The following ANKIB1 variants were observed in gnomAD, a reference collection of about 807,000 sequenced individuals.
The protein encoded by ANKIB1 is ankyrin repeat and IBR domain-containing protein 1.
A neutral mutation model predicts 122.1 loss-of-function variants in ANKIB1; 43 were observed. The observed-to-expected ratio is 0.35, with a 90% CI of 0.28 to 0.45. The LOEUF is 0.45. Ranked by LOEUF, ANKIB1 falls within the 20% of genes least tolerant of loss-of-function variation. The pLI is 1.00. For synonymous variants in ANKIB1, 390 were observed against 442.0 expected (o/e 0.88, Z 1.48); for missense variants, 992 against 1,329.5 (o/e 0.75, Z 3.95).
chr7:92,363,053 TAA>T lies in ANKIB1; in HGVS notation c.1486+792_1486+793del, dbSNP rs540406716. Among the ~76,000 whole-genome samples the T allele has an allele frequency of 1.3e-4, 19 of 143,842 alleles. 1 individual carries two copies. Among genetic ancestry groups the T allele is most frequent in the Admixed American group, 1.4e-4 (2 of 14,432 alleles). 94.4% of individuals were successfully genotyped at this position (143,842 alleles called of 152,430 possible). On this transcript the variant is annotated intron_variant, in intron 10 of 19. Coordinates refer to ENST00000265742, the MANE Select transcript of ANKIB1 (RefSeq NM_019004.2). The stretch of plus-strand genomic sequence containing the variant: ...GTGAAAATTAATTAGTTCTGGTCTT[TAA>T]AAAAAAAAAAAGACTTAGATAATGG...
rs575415248 is a variant in ANKIB1 at position 92,356,623 on chromosome 7, C to T, written c.1397+3981C>T. Among the ~76,000 whole-genome samples, 17 of 152,322 alleles carry T rather than the reference C, an allele frequency of 1.1e-4. No individual in the cohort carries two copies. In the South Asian group the frequency reaches 2.3e-3, roughly 20 times the overall value. On this transcript the variant is annotated intron_variant, in intron 9 of 19. Coordinates refer to ENST00000265742, the MANE Select transcript of ANKIB1 (RefSeq NM_019004.2). ...AGGACCTGCCTGTGAGACAGCTCTG[C>T]CACTAACTAGCTCTGTGGCTTGGTG...
At chr7:92,324,680 C>T (rs1176754297) in intron 4 of ANKIB1, among the ~76,000 whole-genome samples, 1 of 152,162 alleles carries the variant, frequency 6.6e-6, no homozygotes, top group Non-Finnish European at 1.5e-5. Context: ...ATATGTTTAA[C>T]TACTTTTAAA....
chr7:92,369,405 C>T (rs1199533336), intron 10 of ANKIB1, among the ~76,000 whole-genome samples: 2 of 152,190 alleles, frequency 1.3e-5, no homozygotes, highest in African/African-American at 4.8e-5. Context: ...TAGGCAAGCA[C>T]TTGGGGTTCC....
chr7:92,330,701 G>A (rs1265817816), intron 5 of ANKIB1, among the ~76,000 whole-genome samples: 1 of 152,002 alleles, frequency 6.6e-6, no homozygotes, highest in Non-Finnish European at 1.5e-5. Context: ...AATTAGCAGG[G>A]CGTGGTGGTG....
Position 92,246,270 on chromosome 7 carries a change from G to C in ANKIB1, c.-340G>C, listed in dbSNP as rs1800988861. The C allele has an allele frequency of 4.9e-6, 2 of 406,762 alleles. No individual in the cohort carries two copies. Among genetic ancestry groups the C allele is most frequent in the Non-Finnish European group, 9.6e-6 (2 of 209,004 alleles). The allele number at this position is 406,762 out of a possible 1,614,324, so 25.2% of individuals were successfully genotyped here. ...GAGAGGGATGGGGGGCGCCCACCCA[G>C]TCTGAGCCTCGCCGCGGGCGCCTTC... On this transcript the variant is annotated 5_prime_UTR_variant, in exon 1 of 20. Coordinates refer to ENST00000265742, the MANE Select transcript of ANKIB1 (RefSeq NM_019004.2).
chr7:92,363,125 T>C (rs971863626), intron 10 of ANKIB1, among the ~76,000 whole-genome samples: 2 of 151,824 alleles, frequency 1.3e-5, no homozygotes, highest in South Asian at 2.1e-4. Context: ...TCTACACTTA[T>C]AGGGGCCGGG....
intron 1 of ANKIB1, among the ~76,000 whole-genome samples, chr7:92,267,943 A>G (rs1801708731): frequency 6.6e-6 from 1 of 152,186 alleles, no homozygotes; most frequent in South Asian, 2.1e-4. Flanking sequence ...GAAGGGACCT[A>G]TTGCATAAAT....
intron 1 of ANKIB1, among the ~76,000 whole-genome samples, chr7:92,262,019 C>T (rs955580525): frequency 6.6e-6 from 1 of 152,164 alleles, no homozygotes; most frequent in African/African-American, 2.4e-5. Flanking sequence ...CTGTGCCCTT[C>T]ATTACTTCAT....
At chr7:92,343,760 A>G (rs932278770) in intron 6 of ANKIB1, among the ~76,000 whole-genome samples, 4 of 152,126 alleles carry the variant, frequency 2.6e-5, no homozygotes, top group Admixed American at 2.6e-4. Context: ...CATTTTTTAT[A>G]ATTTCTTGAA....
At chr7:92,364,109 A>G (rs1804014919) in intron 10 of ANKIB1, among the ~76,000 whole-genome samples, 1 of 151,988 alleles carries the variant, frequency 6.6e-6, no homozygotes, top group Admixed American at 6.6e-5. Context: ...GGAGTTCAAG[A>G]CCATCTTGGC....
At chr7:92,307,719 G>A in intron 3 of ANKIB1, 63 bp downstream of exon 3, 1 of 1,204,104 alleles carries the variant, frequency 8.3e-7, no homozygotes, top group East Asian at 3.2e-5. Flanking sequence ...ATATGTAACT[G>A]TCAGGTTTTT....
At chr7:92,293,008 G>A (rs1802283374) in intron 1 of ANKIB1, among the ~76,000 whole-genome samples, 1 of 152,152 alleles carries the variant, frequency 6.6e-6, no homozygotes, top group South Asian at 2.1e-4. Flanking sequence ...CCCAAATGGT[G>A]ACCTCATTAC....
chr7:92,357,732 C>CAAAA (rs961949515), intron 9 of ANKIB1, among the ~76,000 whole-genome samples: 3 of 75,040 alleles, frequency 4.0e-5, no homozygotes, highest in African/African-American at 9.8e-5. Context: ...AAGACTCTCT[C>CAAAA]AAAAAAAAAA....
At chr7:92,303,186 A>G (rs1268406480) in intron 2 of ANKIB1, among the ~76,000 whole-genome samples, 1 of 152,212 alleles carries the variant, frequency 6.6e-6, no homozygotes. Flanking sequence ...AGCATCTCTT[A>G]TTCAAAATGA....
chr7:92,385,230 A>G (rs1307765992), intron 11 of ANKIB1, among the ~76,000 whole-genome samples: 1 of 152,236 alleles, frequency 6.6e-6, no homozygotes. Flanking sequence ...TCAGGAAACA[A>G]CAGGTTGCTG....
At chr7:92,338,965 TATA>T (rs1562786374) in intron 5 of ANKIB1, among the ~76,000 whole-genome samples, 2 of 100,506 alleles carry the variant, frequency 2.0e-5, no homozygotes, top group East Asian at 4.2e-4. Context: ...TATATATATA[TATA>T]TATTTATATG....
intron 1 of ANKIB1, among the ~76,000 whole-genome samples, chr7:92,280,529 CTTGGAGGAGAAAA>C (rs1801995165): frequency 6.7e-6 from 1 of 149,432 alleles, no homozygotes; most frequent in African/African-American, 2.5e-5. Context: ...ATCCCTGGCA[CTTGGAGGAGAAAA>C]CAGTGTAAGC....
chr7:92,393,776 T>TA (rs1804832993), intron 17 of ANKIB1, among the ~76,000 whole-genome samples: 1 of 152,148 alleles, frequency 6.6e-6, no homozygotes, highest in Non-Finnish European at 1.5e-5. Context: ...CACTAGGCTT[T>TA]TACGTAAACC....
At chr7:92,373,960 T>C (rs564707460) in intron 11 of ANKIB1, among the ~76,000 whole-genome samples, 1 of 152,342 alleles carries the variant, frequency 6.6e-6, no homozygotes, top group South Asian at 2.1e-4. Flanking sequence ...TATAACGTTT[T>C]TTCCATTATA....
Sources: allele counts gnomAD v4.1 joint callset (sites outside exome capture counted in the v4.1 genomes callset), GRCh38; gene constraint gnomAD v4.1.1; transcripts MANE v1.5; gene names NCBI Gene and HGNC (gene_info 2026-07-23, HGNC 2026-07-21).